Variants in UVRAG observed in about 807,000 individuals in gnomAD.
UVRAG encodes UV radiation resistance-associated gene protein.
A neutral mutation model predicts 78.0 loss-of-function variants in UVRAG; 19 were observed. The observed-to-expected ratio is 0.24, with a 90% confidence interval of 0.17 to 0.36. The LOEUF is 0.36. UVRAG is among the 10% of genes least tolerant of loss of function. The pLI, the probability that UVRAG is intolerant of heterozygous loss-of-function variation, is 1.00. For synonymous variants in UVRAG, 323 were observed against 324.6 expected (o/e 1.00, Z 0.05); for missense variants, 740 against 853.8 (o/e 0.87, Z 1.66).
chr11:76,043,722 T>C (rs1950694579), intron 12 of UVRAG, among the ~76,000 whole-genome samples: 1 of 152,238 alleles, frequency 6.6e-6, no homozygotes, highest in Admixed American at 6.5e-5. Context: ...CTCCCAAGTT[T>C]GTATTATTTC....
intron 6 of UVRAG, among the ~76,000 whole-genome samples, chr11:75,938,136 CTT>C (rs151146347): frequency 6.8e-6 from 1 of 146,194 alleles, no homozygotes; most frequent in Non-Finnish European, 1.5e-5. Context: ...TCATGATTTC[CTT>C]TTTTTTTTGC....
chr11:76,006,028 A>G (rs752669600), intron 9 of UVRAG, among the ~76,000 whole-genome samples: 24 of 152,106 alleles, frequency 1.6e-4, no homozygotes, highest in Non-Finnish European at 3.1e-4. Flanking sequence ...GGTGGGGAAG[A>G]AAGTCCAACC....
chr11:75,959,751 T>C (rs1327677285), intron 6 of UVRAG, among the ~76,000 whole-genome samples: 1 of 152,248 alleles, frequency 6.6e-6, no homozygotes, highest in African/African-American at 2.4e-5. Flanking sequence ...TATCTTGGCT[T>C]TTCACCTGCC....
intron 3 of UVRAG, among the ~76,000 whole-genome samples, chr11:75,878,054 C>A (rs1946844555): frequency 6.7e-6 from 1 of 150,256 alleles, no homozygotes; most frequent in Non-Finnish European, 1.5e-5. Flanking sequence ...GGGCTCCTCA[C>A]TTCTCCAGAC....
At chr11:75,932,190 A>G (rs1041059353) in intron 6 of UVRAG, among the ~76,000 whole-genome samples, 2 of 152,192 alleles carry the variant, frequency 1.3e-5, no homozygotes, top group African/African-American at 4.8e-5. Context: ...CAGTAATCCA[A>G]AGTTAGCATT....
At chr11:76,113,888 A>G (rs986301137) in intron 13 of UVRAG, among the ~76,000 whole-genome samples, 10 of 152,174 alleles carry the variant, frequency 6.6e-5, no homozygotes, top group African/African-American at 2.4e-4. Context: ...ATGGAGAGTT[A>G]AGACCCAGAC....
At chr11:75,825,469 G>A (rs1471986977) in intron 1 of UVRAG, among the ~76,000 whole-genome samples, 4 of 152,098 alleles carry the variant, frequency 2.6e-5, no homozygotes, top group Admixed American at 2.0e-4. Flanking sequence ...TTTAGCAGTT[G>A]CCTCCTTAGA....
At chr11:75,970,077 A>G (rs190065109) in intron 7 of UVRAG, among the ~76,000 whole-genome samples, 1 of 152,350 alleles carries the variant, frequency 6.6e-6, no homozygotes, top group Admixed American at 6.5e-5. Context: ...TGAAAAGTGT[A>G]TTAGTGACAC....
At chr11:76,071,982 G>A (rs1198034978) in intron 13 of UVRAG, among the ~76,000 whole-genome samples, 1 of 152,124 alleles carries the variant, frequency 6.6e-6, no homozygotes, top group Non-Finnish European at 1.5e-5. Flanking sequence ...GGATATATAA[G>A]TCTGGATCTC....
At chr11:76,019,649 G>C (rs1950205952) in intron 12 of UVRAG, among the ~76,000 whole-genome samples, 2 of 152,186 alleles carry the variant, frequency 1.3e-5, no homozygotes, top group Admixed American at 1.3e-4. Flanking sequence ...GGATTACCAG[G>C]CAGAGATTCC....
chr11:75,817,658 A>T (rs1397863959), intron 1 of UVRAG, among the ~76,000 whole-genome samples: 1 of 152,192 alleles, frequency 6.6e-6, no homozygotes, highest in Admixed American at 6.5e-5. Flanking sequence ...TTGAAGTTTT[A>T]TCTGTATATA....
chr11:75,979,825 C>T (rs1565101437), intron 7 of UVRAG: 1 of 152,330 alleles, frequency 6.6e-6, no homozygotes, highest in African/African-American at 2.4e-5. Flanking sequence ...AGTTCCCCGA[C>T]CCCTTGTGCT....
chr11:75,978,127 A>T (rs1022800414), intron 7 of UVRAG, among the ~76,000 whole-genome samples: 8 of 152,184 alleles, frequency 5.3e-5, no homozygotes, highest in Admixed American at 2.0e-4. Context: ...TTCACTTATG[A>T]AGCTTAGTTT....
At chr11:75,911,545 CT>C in intron 5 of UVRAG, 1 of 163,676 alleles carries the variant, frequency 6.1e-6, no homozygotes. Flanking sequence ...CCGTGTTCAT[CT>C]TTCTCTGGGG....
At chr11:76,053,495 C>A (rs1950913900) in intron 12 of UVRAG, among the ~76,000 whole-genome samples, 1 of 152,130 alleles carries the variant, frequency 6.6e-6, no homozygotes, top group African/African-American at 2.4e-5. Flanking sequence ...TCACAAAATT[C>A]TTTCAGTTCT....
intron 12 of UVRAG, among the ~76,000 whole-genome samples, chr11:76,022,496 GTCTGC>G: frequency 6.6e-6 from 1 of 152,022 alleles, no homozygotes; most frequent in East Asian, 1.9e-4. Context: ...TTCTTGTTAT[GTCTGC>G]CTGATGAATT....
chr11:76,113,492 A>G (rs1408153978), intron 13 of UVRAG, among the ~76,000 whole-genome samples: 1 of 152,144 alleles, frequency 6.6e-6, no homozygotes, highest in Non-Finnish European at 1.5e-5. Context: ...AACAGCTAAA[A>G]GGTGTTCTCA....
chr11:76,102,244 G>T (rs1194736707), intron 13 of UVRAG, among the ~76,000 whole-genome samples: 2 of 152,020 alleles, frequency 1.3e-5, no homozygotes, highest in Non-Finnish European at 2.9e-5. Flanking sequence ...GCGTCATCTT[G>T]ATTTCTTTGA....
chr11:76,009,260 T>C (rs1295339651), intron 11 of UVRAG, among the ~76,000 whole-genome samples: 1 of 152,174 alleles, frequency 6.6e-6, no homozygotes, highest in Non-Finnish European at 1.5e-5. Context: ...ACTGCTGACC[T>C]GAAAAGTATT....
Sources: gnomAD v4.1 joint callset for allele counts (sites outside exome capture counted in the v4.1 genomes callset) on GRCh38, gnomAD v4.1.1 for gene constraint, MANE v1.5 for transcripts, NCBI Gene and HGNC (gene_info 2026-07-23, HGNC 2026-07-21) for gene names.